Variants in MOV10L1 observed in about 807,000 individuals in gnomAD.
The protein encoded by MOV10L1 is RNA helicase Mov10l1.
Under a neutral mutation model 143.8 loss-of-function variants are expected in MOV10L1, and 110 were observed. That is an observed-to-expected ratio of 0.76 (90% CI 0.66 to 0.90). The LOEUF is 0.90. MOV10L1 is among the 40% of genes least tolerant of loss of function. MOV10L1 has a pLI of 0.00. For missense variants in MOV10L1, 1,406 were observed against 1,526.8 expected, an observed-to-expected ratio of 0.92 and a Z score of 1.32; for synonymous variants, 593 against 581.1, an observed-to-expected ratio of 1.02 and a Z score of -0.29.
chr22:50,134,085 A>T lies in MOV10L1; in HGVS notation c.1969+20A>T, dbSNP rs773545453. Reference sequence around the variant, plus strand: ...TAAAAGGTATTACTTTTATAGAATGATAGTGTTACATCTTCACAGAGTATT... The same window carrying T: ...TAAAAGGTATTACTTTTATAGAATGTTAGTGTTACATCTTCACAGAGTATT... On this transcript the variant is annotated intron_variant, in intron 14 of 26. Transcript: ENST00000262794. 5 of 1,582,518 alleles carry T rather than the reference A, an allele frequency of 3.2e-6. No individual in the cohort carries two copies. Among genetic ancestry groups the T allele is most frequent in the African/African-American group, 1.3e-5 (1 of 74,136 alleles).
Position 50,114,618 on chromosome 22 carries a change from T to C in MOV10L1, c.1122T>C (p.Ser374=). The C allele has an allele frequency of 1.2e-6, 2 of 1,613,096 alleles. No individual in the cohort carries two copies. The highest frequency in any genetic ancestry group is 1.7e-6 in the Non-Finnish European group (2 of 1,179,428). The change falls in exon 7 of 27, where the codon TCT becomes TCC. Residue 374 remains serine (S), a synonymous_variant. Transcript: ENST00000262794. ...GTTTGGTGAACAACAGAGGAATCTCTCCAGGTAGTGGACGTTTCGGCTGTC... is the reference window on the plus strand; with the variant it reads ...GTTTGGTGAACAACAGAGGAATCTCCCCAGGTAGTGGACGTTTCGGCTGTC... ...ESSLVNNRGI[S]PGDCTCKGEN... is the part of the protein sequence containing the mutation.
At chr22:50,121,837 T>G (rs2062355902) in intron 10 of MOV10L1, among the ~76,000 whole-genome samples, 1 of 152,246 alleles carries the variant, frequency 6.6e-6, no homozygotes, top group South Asian at 2.1e-4. Flanking sequence ...TAGTAAGTTT[T>G]GAAATCAGGA....
rs1349713538 is a variant in MOV10L1, at chr22:50,092,065, T to G, written c.162T>G (p.Ile54Met). 6.2e-7 allele frequency: 1 copy of G among 1,614,166 alleles called. No individual in the cohort carries two copies. The highest frequency in any genetic ancestry group is 1.7e-5 in the Admixed American group (1 of 60,018). Residue 54 changes from isoleucine to methionine, a missense_variant, in exon 2 of 27, where the codon ATT (isoleucine) becomes ATG (methionine). Ile to Met is a conservative substitution (Grantham distance 10). This residue lies in a region of MOV10L1 where 166 missense variants were observed against 153.9 expected (regional missense o/e 1.08). Transcript: ENST00000262794. ...GGTACTGCAGCGATTATGGCATGAT[T>G]GATGATATGATCTACTTCTCCAGTG... Reference protein sequence around the residue: ...VTRYCSDYGMIDDMIYFSSDA... With the variant: ...VTRYCSDYGMMDDMIYFSSDA...
chr22:50,144,637 A>G (rs1360611896), intron 18 of MOV10L1, among the ~76,000 whole-genome samples: 1 of 151,348 alleles, frequency 6.6e-6, no homozygotes, highest in Non-Finnish European at 1.5e-5. Context: ...GCTGAAGTGC[A>G]GTGGCATGAT....
At position 50,153,144 on chromosome 22, in the gene MOV10L1, A is replaced by T. The variant is rs201914267; in HGVS notation, c.2992A>T (p.Thr998Ser). ...GGAACTCGAGGTCTGTGCGGACCCCACAGTGGTGACCTCCTTGCTGGGCTG... is the reference window on the plus strand; with the variant it reads ...GGAACTCGAGGTCTGTGCGGACCCCTCAGTGGTGACCTCCTTGCTGGGCTG... Reference protein sequence around the residue: ...HRELEVCADPTVVTSLLGWEK... With the variant: ...HRELEVCADPSVVTSLLGWEK... Residue 998 changes from threonine to serine, a missense_variant, in exon 22 of 27, where the codon ACA (threonine) becomes TCA (serine). This residue lies in a region of MOV10L1 where 1,233 missense variants were observed against 1,351.4 expected (regional missense o/e 0.91). Coordinates refer to ENST00000262794, the MANE Select transcript of MOV10L1 (RefSeq NM_018995.3). 10 of 1,613,980 alleles carry T rather than the reference A, an allele frequency of 6.2e-6. No individual in the cohort carries two copies. The highest frequency in any genetic ancestry group is 5.9e-6 in the Non-Finnish European group (7 of 1,179,964).
At chr22:50,133,576 T>G (rs1173826341) in intron 13 of MOV10L1, among the ~76,000 whole-genome samples, 1 of 151,984 alleles carries the variant, frequency 6.6e-6, no homozygotes, top group Non-Finnish European at 1.5e-5. Flanking sequence ...AGTCTCACTC[T>G]GTCACCCAGG....
chr22:50,121,274 C>T (rs920230091), intron 10 of MOV10L1, among the ~76,000 whole-genome samples: 3 of 152,118 alleles, frequency 2.0e-5, no homozygotes, highest in African/African-American at 7.2e-5. Context: ...GTTCACCATG[C>T]GCCCTTCAGG....
chr22:50,149,464 C>G, intron 19 of MOV10L1, 151 bp from the exon 20 acceptor site: 2 of 650,848 alleles, frequency 3.1e-6, no homozygotes, highest in Admixed American at 5.5e-5. Flanking sequence ...CTCCCTCCAG[C>G]CGGGTGACAC....
At position 50,128,473 on chromosome 22, in the gene MOV10L1, T is replaced by C. The variant is rs767958760; in HGVS notation, c.1876T>C (p.Phe626Leu). The C allele has an allele frequency of 1.3e-6, 2 of 1,554,962 alleles. No individual in the cohort carries two copies. Among genetic ancestry groups the C allele is most frequent in the Admixed American group, 3.5e-5 (2 of 57,862 alleles). ...INPEFEQAYN[F>L]EPMDVEFTYN... The stretch of plus-strand genomic sequence containing the variant: ...TCCAGAATTTGAACAAGCCTATAAC[T>C]TTGAACCTATGGATGTGGAATTTAC... Residue 626 changes from phenylalanine to leucine, a missense_variant, in exon 13 of 27, where the codon TTT becomes CTT. Around this residue, in one of 3 missense-constraint regions of MOV10L1, gnomAD observed 1,233 missense variants for 1,351.4 expected, o/e 0.91. Transcript: ENST00000262794.
At chr22:50,111,763 A>G (rs2062029805) in intron 5 of MOV10L1, among the ~76,000 whole-genome samples, 1 of 151,874 alleles carries the variant, frequency 6.6e-6, no homozygotes, top group Non-Finnish European at 1.5e-5. Flanking sequence ...TCAGCCTCCC[A>G]AACTGCTGGG....
Position 50,145,701 on chromosome 22 carries a change from G to A in MOV10L1, c.2518G>A (p.Ala840Thr), listed in dbSNP as rs55747387. 38,755 of 1,613,934 alleles carry A rather than the reference G, an allele frequency of 0.024. 572 individuals carry two copies. Among genetic ancestry groups the A allele is most frequent in the Non-Finnish European group, 0.029 (33,865 of 1,179,940 alleles). ...TCRFEEIVID[A>T]VKPYCRDGED... Reference sequence around the variant, plus strand: ...TCCTTGCCCCCAGATAGTTATTGACGCCGTCAAACCGTATTGCAGAGACGG... The same window carrying A: ...TCCTTGCCCCCAGATAGTTATTGACACCGTCAAACCGTATTGCAGAGACGG... Residue 840 changes from alanine (A) to threonine (T), a missense_variant, in exon 19 of 27, where the codon GCC becomes ACC. This residue lies in a region of MOV10L1 where 1,233 missense variants were observed against 1,351.4 expected (regional missense o/e 0.91). Coordinates refer to ENST00000262794, the MANE Select transcript of MOV10L1 (RefSeq NM_018995.3).
chr22:50,134,589 G>A lies in MOV10L1; in HGVS notation c.2029G>A (p.Ala677Thr), dbSNP rs1200010038. ...SPQVTGNWNH[A>T]QDTKSSGQST... The stretch of plus-strand genomic sequence containing the variant: ...ACAAGTGACGGGAAATTGGAACCAT[G>A]CACAAGACACCAAAAGCAGTGGACA... Residue 677 changes from alanine to threonine, a missense_variant, in exon 15 of 27, where the codon GCA (alanine) becomes ACA (threonine). By Grantham distance (58) the Ala-to-Thr change is moderately conservative. Coordinates refer to ENST00000262794, the MANE Select transcript of MOV10L1 (RefSeq NM_018995.3). 6.2e-7 allele frequency: 1 copy of A among 1,614,176 alleles called. No homozygotes were observed.
Position 50,113,304 on chromosome 22 carries a change from C to T in MOV10L1, c.744-344C>T, listed in dbSNP as rs531649070. On this transcript the variant is annotated intron_variant, in intron 5 of 26. Transcript: ENST00000262794. ...AGGCCCATGCTTCCCCCACCACCAC[C>T]TTGGGAGTTGGCTGGAGAGAAGAGG... Among the ~76,000 whole-genome samples the T allele has an allele frequency of 4.6e-5, 7 of 152,312 alleles. No homozygotes were observed. In the South Asian group the frequency reaches 1.2e-3, roughly 27 times the overall value.
intron 3 of MOV10L1, among the ~76,000 whole-genome samples, chr22:50,105,777 A>G (rs555212081): frequency 6.6e-6 from 1 of 152,350 alleles, no homozygotes; most frequent in African/African-American, 2.4e-5. Flanking sequence ...GGGGAGCAGC[A>G]AAGAGAAAAT....
chr22:50,113,374 G>A (rs761194610), intron 5 of MOV10L1, among the ~76,000 whole-genome samples: 1 of 152,178 alleles, frequency 6.6e-6, no homozygotes, highest in South Asian at 2.1e-4. Flanking sequence ...AGGAGGTAGG[G>A]GAGTGCTGGG....
intron 20 of MOV10L1, among the ~76,000 whole-genome samples, chr22:50,150,471 A>G: frequency 6.6e-6 from 1 of 152,186 alleles, no homozygotes; most frequent in South Asian, 2.1e-4. Context: ...CCACTTTGAG[A>G]GATTCGCAGG....
At chr22:50,130,502 C>T (rs1341468584) in intron 13 of MOV10L1, among the ~76,000 whole-genome samples, 1 of 151,958 alleles carries the variant, frequency 6.6e-6, no homozygotes, top group East Asian at 1.9e-4. Flanking sequence ...AAGGCATTTG[C>T]CGATGAAAGC....
intron 15 of MOV10L1, among the ~76,000 whole-genome samples, chr22:50,141,495 A>ATT (rs56881561): frequency 1.3e-4 from 18 of 138,172 alleles, no homozygotes; most frequent in East Asian, 4.2e-4. Flanking sequence ...TGCCCGGCTA[A>ATT]TTTTTTTTTT....
Position 50,158,207 on chromosome 22 carries a change from G to T in MOV10L1, c.3216+1G>T, listed in dbSNP as rs1602374269. ...CGTCATCACGCCCTACCGGAAGCAG[G>T]TACGCCCTGCCCAGGCACGCCTGGT... On this transcript the variant is annotated splice_donor_variant, in intron 23 of 26. Transcript: ENST00000262794. LOFTEE classifies it high-confidence loss of function. This position sits in a 1 kb window ranked among gnomAD's most constrained non-coding sequence, Gnocchi z 5.0. 1 of 1,614,044 alleles carries T rather than the reference G, an allele frequency of 6.2e-7. No individual in the cohort carries two copies. The highest frequency in any genetic ancestry group is 2.2e-5 in the East Asian group (1 of 44,876).
Sources: gnomAD v4.1 joint callset for allele counts (sites outside exome capture counted in the v4.1 genomes callset) on GRCh38, gnomAD v4.1.1 for gene constraint, gnomAD v4.1.1 regional missense constraint, Gnocchi (gnomAD v3.1) non-coding constraint, MANE v1.5 for transcripts, NCBI Gene and HGNC (gene_info 2026-07-23, HGNC 2026-07-21) for gene names.